The following COL19A1 variants were observed in gnomAD, a reference collection of about 807,000 sequenced individuals.
The protein encoded by COL19A1 is collagen alpha-1(XIX) chain.
Under a neutral mutation model 190.2 loss-of-function variants are expected in COL19A1, and 159 were observed. The observed-to-expected ratio is 0.84, with a 90% CI of 0.73 to 0.95. COL19A1 has a LOEUF of 0.95. Ranked by LOEUF, COL19A1 falls within the 40% of genes least tolerant of loss-of-function variation. The pLI is 0.00. For missense variants in COL19A1, 1,418 were observed against 1,431.9 expected (o/e 0.99, Z 0.16); for synonymous variants, 509 against 458.9 (o/e 1.11, Z -1.39).
At chr6:69,999,018 G>A (rs1418929861) in intron 11 of COL19A1, among the ~76,000 whole-genome samples, 2 of 151,072 alleles carry the variant, frequency 1.3e-5, no homozygotes, top group Non-Finnish European at 3.0e-5. Context: ...TCTGCCTCCC[G>A]GGTTCAAGTG....
chr6:70,145,172 G>C (rs1365877904), intron 25 of COL19A1, among the ~76,000 whole-genome samples, 165 bp downstream of exon 25: 1 of 152,008 alleles, frequency 6.6e-6, no homozygotes, highest in African/African-American at 2.4e-5. Flanking sequence ...CCCACTACTG[G>C]GTTTCTTTTC....
intron 4 of COL19A1, among the ~76,000 whole-genome samples, chr6:69,926,740 A>G (rs1772423213): frequency 6.6e-6 from 1 of 152,170 alleles, no homozygotes; most frequent in South Asian, 2.1e-4. Flanking sequence ...AAATTTGGTA[A>G]AAGGTATTAA....
chr6:70,070,590 A>G (rs1179893964), intron 15 of COL19A1, among the ~76,000 whole-genome samples: 1 of 152,142 alleles, frequency 6.6e-6, no homozygotes, highest in East Asian at 1.9e-4. Context: ...ATATCCATAT[A>G]TGCTCAGTGA....
At chr6:70,185,553 T>C (rs1285321191) in intron 46 of COL19A1, among the ~76,000 whole-genome samples, 1 of 152,156 alleles carries the variant, frequency 6.6e-6, no homozygotes, top group Non-Finnish European at 1.5e-5. Flanking sequence ...TTATGTTATA[T>C]GGTTTTGTGT....
At chr6:70,090,702 T>G (rs758989225) in intron 15 of COL19A1, among the ~76,000 whole-genome samples, 3 of 152,174 alleles carry the variant, frequency 2.0e-5, no homozygotes, top group Non-Finnish European at 4.4e-5. Flanking sequence ...ATTATCTACC[T>G]AAGCAGGTGC....
At chr6:70,165,339 T>C (rs1279433649) in intron 36 of COL19A1, among the ~76,000 whole-genome samples, 1 of 152,254 alleles carries the variant, frequency 6.6e-6, no homozygotes, top group Non-Finnish European at 1.5e-5. Flanking sequence ...GTTTAAATTG[T>C]AGTGACTATT....
At chr6:70,087,268 A>C (rs1390686337) in intron 15 of COL19A1, among the ~76,000 whole-genome samples, 1 of 152,188 alleles carries the variant, frequency 6.6e-6, no homozygotes, top group Non-Finnish European at 1.5e-5. Flanking sequence ...TGATGGTGAT[A>C]CATGCAACCA....
At chr6:70,109,902 A>G (rs1264468790) in intron 16 of COL19A1, among the ~76,000 whole-genome samples, 1 of 152,152 alleles carries the variant, frequency 6.6e-6, no homozygotes, top group Non-Finnish European at 1.5e-5. Context: ...TCAGTTGAAC[A>G]GTTGGGGCAA....
At chr6:70,020,047 C>G (rs923771094) in intron 11 of COL19A1, among the ~76,000 whole-genome samples, 1 of 152,030 alleles carries the variant, frequency 6.6e-6, no homozygotes, top group South Asian at 2.1e-4. Flanking sequence ...TATGGGAAAG[C>G]TTTAGAGTTC....
At chr6:70,048,081 C>T (rs912030517) in intron 14 of COL19A1, among the ~76,000 whole-genome samples, 1 of 152,090 alleles carries the variant, frequency 6.6e-6, no homozygotes, top group East Asian at 1.9e-4. Flanking sequence ...CTTAGACATG[C>T]TTACTAAATG....
At chr6:70,204,358 G>A (rs997052269) in intron 49 of COL19A1, among the ~76,000 whole-genome samples, 5 of 152,074 alleles carry the variant, frequency 3.3e-5, no homozygotes, top group African/African-American at 1.2e-4. Context: ...AAAACCCTAC[G>A]GCTTTATGGC....
intron 42 of COL19A1, among the ~76,000 whole-genome samples, chr6:70,179,521 T>C (rs1179595998): frequency 6.6e-6 from 1 of 152,212 alleles, no homozygotes; most frequent in Non-Finnish European, 1.5e-5. Context: ...AACTTATCTG[T>C]TTCTTTTCCT....
intron 48 of COL19A1, among the ~76,000 whole-genome samples, chr6:70,198,641 C>T (rs1178563777): frequency 6.6e-6 from 1 of 152,012 alleles, no homozygotes; most frequent in East Asian, 1.9e-4. Flanking sequence ...AATGATTTTA[C>T]CAAAATTAAT....
At chr6:69,967,410 CAT>C (rs530664858) in intron 11 of COL19A1, among the ~76,000 whole-genome samples, 280 of 152,296 alleles carry the variant, frequency 1.8e-3, no homozygotes, top group Admixed American at 3.5e-3. Context: ...GAGCATCAAA[CAT>C]GTGGCATATT....
intron 31 of COL19A1, among the ~76,000 whole-genome samples, chr6:70,153,230 C>A (rs1399618230): frequency 6.6e-6 from 1 of 152,090 alleles, no homozygotes; most frequent in African/African-American, 2.4e-5. Flanking sequence ...TCTTGTTACC[C>A]TATATGTTAA....
At chr6:69,918,501 C>T (rs946283962) in intron 4 of COL19A1, among the ~76,000 whole-genome samples, 2 of 151,776 alleles carry the variant, frequency 1.3e-5, no homozygotes, top group African/African-American at 4.8e-5. Flanking sequence ...GTTTGAGACC[C>T]GCCTAGGAAA....
intron 15 of COL19A1, among the ~76,000 whole-genome samples, chr6:70,080,990 G>A (rs1349471692): frequency 6.6e-6 from 1 of 152,160 alleles, no homozygotes; most frequent in African/African-American, 2.4e-5. Context: ...AAAGTAAAAT[G>A]AGGATGGCAT....
At chr6:70,167,746 T>A (rs1028781829) in intron 37 of COL19A1, among the ~76,000 whole-genome samples, 1 of 152,188 alleles carries the variant, frequency 6.6e-6, no homozygotes, top group Non-Finnish European at 1.5e-5. Flanking sequence ...TGCATTAGTG[T>A]CTCATCTGTC....
chr6:70,205,327 C>A (rs552553873), intron 49 of COL19A1, among the ~76,000 whole-genome samples: 9 of 152,206 alleles, frequency 5.9e-5, no homozygotes, highest in Admixed American at 3.9e-4. Context: ...AAAATGATAA[C>A]CCCTGCTATC....
Sources: gnomAD v4.1 joint callset for allele counts (sites outside exome capture counted in the v4.1 genomes callset) on GRCh38, gnomAD v4.1.1 for gene constraint, MANE v1.5 for transcripts, NCBI Gene and HGNC (gene_info 2026-07-23, HGNC 2026-07-21) for gene names.